The following FAM210B variants were observed in gnomAD, a reference collection of about 807,000 sequenced individuals.
The protein encoded by FAM210B is family with sequence similarity 210 member B.
A neutral mutation model predicts 14.9 loss-of-function variants in FAM210B; 11 were observed. That is an observed-to-expected ratio of 0.74 (90% CI 0.46 to 1.22). The LOEUF is 1.22. FAM210B is among the 50% of genes most tolerant of loss of function. The probability of loss-of-function intolerance (pLI) is 0.00; values close to 1 mark genes in which losing one functional copy is unlikely to be tolerated. For synonymous variants in FAM210B, 113 were observed against 110.2 expected, an observed-to-expected ratio of 1.03 and a Z score of -0.16; for missense variants, 229 against 250.1, an observed-to-expected ratio of 0.92 and a Z score of 0.57.
Position 56,366,282 on chromosome 20 carries a change from C to A in FAM210B, c.574C>A (p.Pro192Thr). 1.2e-6 allele frequency: 2 copies of A among 1,613,688 alleles called. No homozygotes were observed. Among genetic ancestry groups the A allele is most frequent in the Non-Finnish European group, 1.7e-6 (2 of 1,179,632 alleles). ...ATTTTTTAAACCTCCAGCTGCAAAACCTTAATGAACTCTTCAGTCGTACAC... is the reference window on the plus strand; with the variant it reads ...ATTTTTTAAACCTCCAGCTGCAAAAACTTAATGAACTCTTCAGTCGTACAC... ...VGFFKPPAAK[P>T] The change falls in exon 3 of 3, where the codon CCT becomes ACT. Residue 192 changes from proline to threonine, a missense_variant. This residue lies in a region of FAM210B where 53 missense variants were observed against 55.4 expected (regional missense o/e 0.96). Transcript: ENST00000371384.
rs895571559 is a variant in FAM210B, at chr20:56,367,398, G to A, written c.*1111G>A. 6.6e-6 allele frequency: 1 copy of A among 152,418 alleles called. No individual in the cohort carries two copies. Among genetic ancestry groups the A allele is most frequent in the Non-Finnish European group, 1.5e-5 (1 of 68,232 alleles). The allele number at this position is 152,418 out of a possible 1,614,324, so 9.4% of individuals were successfully genotyped here. A position where few individuals can be genotyped will look rare whatever the true frequency, so the allele number is the denominator to read the frequency against. On this transcript the variant is annotated 3_prime_UTR_variant, in exon 3 of 3. Coordinates refer to ENST00000371384, the MANE Select transcript of FAM210B (RefSeq NM_080821.3). ...TCACGCCTGTAATCCCAGCACTTTGGGAGGTTGAGGCAGGCGTGTCACTTG... is the reference window on the plus strand; with the variant it reads ...TCACGCCTGTAATCCCAGCACTTTGAGAGGTTGAGGCAGGCGTGTCACTTG...
In FAM210B at chr20:56,359,174, G is replaced by T; in HGVS notation, c.169G>T (p.Asp57Tyr). The part of the protein sequence containing the change: ...DARLLRTARG[D>Y]CRGHQDPSQA... ...CCGGCTGCTCCGCACGGCGCGCGGGGACTGCCGCGGCCACCAGGTAAGCAC... is the reference window on the plus strand; with the variant it reads ...CCGGCTGCTCCGCACGGCGCGCGGGTACTGCCGCGGCCACCAGGTAAGCAC... Residue 57 changes from aspartate (D) to tyrosine (Y), a missense_variant, in exon 1 of 3, where the codon GAC (aspartate) becomes TAC (tyrosine). Physicochemically the swap from Asp to Tyr is radical, Grantham distance 160. Transcript: ENST00000371384. The surrounding 1 kb of genome is among the most constrained non-coding windows in gnomAD (Gnocchi z 4.3). The T allele has an allele frequency of 2.4e-6, 3 of 1,237,062 alleles. No homozygotes were observed. The South Asian group carries it at 1.2e-4, about 49-fold the overall frequency. The allele number at this position is 1,237,062 out of a possible 1,614,324, so 76.6% of individuals were successfully genotyped here. A position where few individuals can be genotyped will look rare whatever the true frequency, so the allele number is the denominator to read the frequency against.
chr20:56,366,410 T>C lies in FAM210B; in HGVS notation c.*123T>C, dbSNP rs112152594. On this transcript the variant is annotated 3_prime_UTR_variant, in exon 3 of 3. Coordinates refer to ENST00000371384, the MANE Select transcript of FAM210B (RefSeq NM_080821.3). The stretch of plus-strand genomic sequence containing the variant: ...AGGTAGGGGGCTAATTGCTATGTTC[T>C]CATGGATAAACTTTGCCAGCAAAAA... 9 of 880,532 alleles carry C rather than the reference T, an allele frequency of 1.0e-5. No homozygotes were observed. Among genetic ancestry groups the C allele is most frequent in the African/African-American group, 3.4e-5 (2 of 58,540 alleles). The allele number at this position is 880,532 out of a possible 1,614,324, so 54.5% of individuals were successfully genotyped here.
rs757647256 is a variant in FAM210B at position 56,365,201 on chromosome 20, G to A, written c.301G>A (p.Val101Met). The A allele has an allele frequency of 2.6e-5, 42 of 1,614,008 alleles. No individual in the cohort carries two copies. Among genetic ancestry groups the A allele is most frequent in the South Asian group, 5.5e-5 (5 of 91,088 alleles). ...KIFQEYGTVG[V>M]SLHIGISLIS... ...TTTTCAAGAGTATGGCACTGTTGGC[G>A]TGTCATTGCACATTGGAATCTCATT... The change falls in exon 2 of 3, where the codon GTG becomes ATG. Residue 101 changes from valine to methionine, a missense_variant. Physicochemically the swap from Val to Met is conservative, Grantham distance 21. Around this residue, in one of 3 missense-constraint regions of FAM210B, gnomAD observed 32 missense variants for 62.2 expected, o/e 0.51. Coordinates refer to ENST00000371384, the MANE Select transcript of FAM210B (RefSeq NM_080821.3).
chr20:56,361,311 C>T (rs548749550), intron 1 of FAM210B, among the ~76,000 whole-genome samples: 1 of 152,264 alleles, frequency 6.6e-6, no homozygotes, highest in East Asian at 1.9e-4. Context: ...CTCTATGGCA[C>T]TTGTCACAGG....
At chr20:56,360,434 T>G (rs990927145) in intron 1 of FAM210B, 22 of 347,728 alleles carry the variant, frequency 6.3e-5, no homozygotes, top group Admixed American at 5.6e-4. Flanking sequence ...TGTCCCCAGC[T>G]CAGGCCCTGG....
rs534201664 is a variant in FAM210B at position 56,365,816 on chromosome 20, T to A, written c.363-255T>A. Among the ~76,000 whole-genome samples, 214 of 152,098 alleles carry A rather than the reference T, an allele frequency of 1.4e-3. 2 individuals are homozygous for A. Among genetic ancestry groups the A allele is most frequent in the African/African-American group, 4.9e-3 (203 of 41,490 alleles). On this transcript the variant is annotated intron_variant, in intron 2 of 2. Coordinates refer to ENST00000371384, the MANE Select transcript of FAM210B (RefSeq NM_080821.3). ...CCGCGTCAGGCCGATTGTATGTTTT[T>A]TTGTTGTGTTGAGACAAGAGTCTTG...
At chr20:56,361,774 C>G (rs1163467794) in intron 1 of FAM210B, among the ~76,000 whole-genome samples, 1 of 152,086 alleles carries the variant, frequency 6.6e-6, no homozygotes, top group African/African-American at 2.4e-5. Flanking sequence ...GTCAGAAGCT[C>G]GAGACCAGCC....
chr20:56,361,181 G>T (rs953499351), intron 1 of FAM210B, among the ~76,000 whole-genome samples: 1 of 152,184 alleles, frequency 6.6e-6, no homozygotes, highest in African/African-American at 2.4e-5. Flanking sequence ...CTCTCCCAGA[G>T]CCCCAGTGTC....
chr20:56,366,248 A>T lies in FAM210B; in HGVS notation c.540A>T (p.Arg180=), dbSNP rs1983633258. 6.2e-7 allele frequency: 1 copy of T among 1,614,184 alleles called. No individual in the cohort carries two copies. Among genetic ancestry groups the T allele is most frequent in the African/African-American group, 1.3e-5 (1 of 75,036 alleles). Residue 180 remains arginine, a synonymous_variant, in exon 3 of 3, where the codon CGA becomes CGT. Transcript: ENST00000371384. ...VSVPLIVRYF[R]KVGFFKPPAA... Reference sequence around the variant, plus strand: ...TGCCCTTGATTGTCAGATATTTTCGAAAAGTGGGATTTTTTAAACCTCCAG... The same window carrying T: ...TGCCCTTGATTGTCAGATATTTTCGTAAAGTGGGATTTTTTAAACCTCCAG...
chr20:56,364,984 T>C, intron 1 of FAM210B, 103 bp from the exon 2 acceptor site: 7 of 1,134,750 alleles, frequency 6.2e-6, no homozygotes, highest in Non-Finnish European at 8.5e-6. Context: ...AACTGATCTC[T>C]CATCCAGCAG....
At chr20:56,360,825 A>C (rs1159891696) in intron 1 of FAM210B, 3 of 153,526 alleles carry the variant, frequency 2.0e-5, no homozygotes, top group Admixed American at 6.4e-5. Flanking sequence ...TGCCTGAGAA[A>C]ACGCGTCCCC....
rs1289769625 is a variant in FAM210B at position 56,359,159 on chromosome 20, C to G, written c.154C>G (p.Arg52Gly). 7 of 1,242,144 alleles carry G rather than the reference C, an allele frequency of 5.6e-6. No homozygotes were observed. The African/African-American group carries it at 7.8e-5, about 14-fold the overall frequency. The allele number at this position is 1,242,144 out of a possible 1,614,324, so 76.9% of individuals were successfully genotyped here. A position where few individuals can be genotyped will look rare whatever the true frequency, so the allele number is the denominator to read the frequency against. The change falls in exon 1 of 3, where the codon CGC (arginine) becomes GGC (glycine). Residue 52 changes from arginine to glycine, a missense_variant. Transcript: ENST00000371384. This position sits in a 1 kb window ranked among gnomAD's most constrained non-coding sequence, Gnocchi z 4.3. ...LPPRLDARLLRTARGDCRGHQ... is the reference protein window; with the variant it reads ...LPPRLDARLLGTARGDCRGHQ... The stretch of plus-strand genomic sequence containing the variant: ...GCCCAGGCTAGACGCCCGGCTGCTC[C>G]GCACGGCGCGCGGGGACTGCCGCGG...
Position 56,359,307 on chromosome 20 carries a change from C to T in FAM210B, c.186+116C>T, listed in dbSNP as rs570277907. ...GGACGCCTTTGCACTTGTAGCTGCC[C>T]GGGACCGAGCTCTTCCAGGGTCCCC... On this transcript the variant is annotated intron_variant, in intron 1 of 2. Coordinates refer to ENST00000371384, the MANE Select transcript of FAM210B (RefSeq NM_080821.3). The surrounding 1 kb of genome is among the most constrained non-coding windows in gnomAD (Gnocchi z 4.3). 5 of 1,041,194 alleles carry T rather than the reference C, an allele frequency of 4.8e-6. No homozygotes were observed. The African/African-American group carries it at 6.7e-5, about 14-fold the overall frequency. 64.5% of individuals were successfully genotyped at this position (1,041,194 alleles called of 1,614,324 possible). A position where few individuals can be genotyped will look rare whatever the true frequency, so the allele number is the denominator to read the frequency against.
At chr20:56,361,337 T>G (rs1369796518) in intron 1 of FAM210B, among the ~76,000 whole-genome samples, 1 of 152,152 alleles carries the variant, frequency 6.6e-6, no homozygotes. Flanking sequence ...GCCCTGGTAT[T>G]TTACTCTTCT....
At chr20:56,364,102 G>T (rs936599296) in intron 1 of FAM210B, among the ~76,000 whole-genome samples, 1 of 152,238 alleles carries the variant, frequency 6.6e-6, no homozygotes, top group African/African-American at 2.4e-5. Flanking sequence ...TTGTCCCCAA[G>T]CTTGTGAGCC....
rs748806062 is a variant in FAM210B at position 56,363,551 on chromosome 20, C to T, written c.187-1536C>T. ...CTCCAGCCAGGTGCGCATCACCTGC[C>T]GGGACAAGCCCCAGGACTGTCCTTA... On this transcript the variant is annotated intron_variant, in intron 1 of 2. Transcript: ENST00000371384. This position sits in a 1 kb window ranked among gnomAD's most constrained non-coding sequence, Gnocchi z 4.1. 1.3e-5 allele frequency among the ~76,000 whole-genome samples: 2 copies of T among 152,212 alleles called. No individual in the cohort carries two copies. Among genetic ancestry groups the T allele is most frequent in the African/African-American group, 2.4e-5 (1 of 41,458 alleles).
chr20:56,365,968 ACTTC>A, intron 2 of FAM210B, 99 bp from the exon 3 acceptor site: 1 of 771,190 alleles, frequency 1.3e-6, no homozygotes, highest in Non-Finnish European at 1.9e-6. Flanking sequence ...TCATTCAGCT[ACTTC>A]ATTACATTTT....
Position 56,367,907 on chromosome 20 carries a change from C to T in FAM210B, c.*1620C>T, listed in dbSNP as rs1198569774. ...CATTTGTTGCAGAACCTCCACAAGGCTAAATAAAATTACATTTGTGACCAT... is the reference window on the plus strand; with the variant it reads ...CATTTGTTGCAGAACCTCCACAAGGTTAAATAAAATTACATTTGTGACCAT... On this transcript the variant is annotated 3_prime_UTR_variant, in exon 3 of 3. Transcript: ENST00000371384. 1.3e-5 allele frequency: 2 copies of T among 152,168 alleles called. No homozygotes were observed. The highest frequency in any genetic ancestry group is 2.9e-5 in the Non-Finnish European group (2 of 68,028). The allele number at this position is 152,168 out of a possible 1,614,324, so 9.4% of individuals were successfully genotyped here.
Sources: allele counts gnomAD v4.1 joint callset (sites outside exome capture counted in the v4.1 genomes callset), GRCh38; gene constraint gnomAD v4.1.1; regional missense constraint gnomAD v4.1.1; non-coding constraint Gnocchi (gnomAD v3.1); transcripts MANE v1.5; gene names NCBI Gene and HGNC (gene_info 2026-07-23, HGNC 2026-07-21).